The following UFL1 variants were observed in gnomAD, a reference collection of about 807,000 sequenced individuals.
UFL1 encodes the protein E3 UFM1-protein ligase 1.
Under a neutral mutation model 99.3 loss-of-function variants are expected in UFL1, and 78 were observed. The ratio of observed to expected loss-of-function variants is 0.79; its 90% CI spans 0.65 to 0.95. The LOEUF is 0.95. Among genes scored for constraint, UFL1 ranks in the 40% least tolerant of loss-of-function variants. The pLI is 0.00. For synonymous variants in UFL1, 335 were observed against 322.2 expected (o/e 1.04, Z -0.42); for missense variants, 936 against 937.0 (o/e 1.00, Z 0.01).
Position 96,549,559 on chromosome 6 carries a change from A to G in UFL1, c.1668A>G (p.Lys556=). 1 of 1,593,516 alleles carries G rather than the reference A, an allele frequency of 6.3e-7. No individual in the cohort carries two copies. The highest frequency in any genetic ancestry group is 1.8e-5 in the Admixed American group (1 of 54,972). The change falls in exon 14 of 19, where the codon AAA becomes AAG. Residue 556 remains lysine (K), a synonymous_variant. Coordinates refer to ENST00000369278, the MANE Select transcript of UFL1 (RefSeq NM_015323.5). ...NLYNNIRLFE[K]GMKFFADDTQ... ...ACAATAACATTAGGTTATTTGAAAA[A>G]GGGATGAAGTTTTTTGCAGGTATAC...
intron 7 of UFL1, among the ~76,000 whole-genome samples, chr6:96,535,751 G>A (rs934671505): frequency 3.3e-5 from 5 of 151,906 alleles, no homozygotes; most frequent in South Asian, 2.1e-4. Context: ...CGTAAACAGC[G>A]GAAATGGAAT....
Position 96,534,250 on chromosome 6 carries a change from A to G in UFL1, c.597-13A>G. On this transcript the variant is annotated splice_polypyrimidine_tract_variant and intron_variant, in intron 6 of 18. Coordinates refer to ENST00000369278, the MANE Select transcript of UFL1 (RefSeq NM_015323.5). ...TGAGTAAGAAGTTTTTTTTTTTTTA[A>G]CTTTCCATAAAGGCCTACAGCTGTG... is the stretch of plus-strand genomic sequence containing the variant. 1 of 1,508,876 alleles carries G rather than the reference A, an allele frequency of 6.6e-7. No homozygotes were observed. Among genetic ancestry groups the G allele is most frequent in the Non-Finnish European group, 8.8e-7 (1 of 1,135,300 alleles). The allele number at this position is 1,508,876 out of a possible 1,614,324, so 93.5% of individuals were successfully genotyped here.
At chr6:96,550,879 G>C (rs972059920) in intron 15 of UFL1, among the ~76,000 whole-genome samples, 4 of 151,954 alleles carry the variant, frequency 2.6e-5, no homozygotes, top group African/African-American at 4.8e-5. Flanking sequence ...TTCAGGGCCT[G>C]GTGTCAAGCC....
chr6:96,539,195 A>G (rs1423147466), intron 10 of UFL1, among the ~76,000 whole-genome samples: 3 of 151,614 alleles, frequency 2.0e-5, no homozygotes, highest in Non-Finnish European at 4.4e-5. Context: ...CAGAGCCTCA[A>G]TAATTTTTCC....
chr6:96,524,350 A>G (rs571453543), intron 2 of UFL1, 32 bp from the exon 3 acceptor site: 2 of 1,582,776 alleles, frequency 1.3e-6, no homozygotes, highest in East Asian at 2.3e-5. Context: ...CGCATAGATC[A>G]TTTAAAATAA....
At chr6:96,539,743 CTTACTT>C (rs1333220913) in intron 10 of UFL1, among the ~76,000 whole-genome samples, 1 of 151,308 alleles carries the variant, frequency 6.6e-6, no homozygotes, top group Admixed American at 6.6e-5. Context: ...GTAAATGACT[CTTACTT>C]TTATTTGGGA....
chr6:96,538,739 G>A lies in UFL1; in HGVS notation c.1087G>A (p.Val363Ile). ...ASTVVFSDTV[V>I]VSEKFINDCT... is the part of the protein sequence containing the mutation. The stretch of plus-strand genomic sequence containing the variant: ...AACTGTAGTCTTTAGCGACACTGTT[G>A]TAGTCAGTGAAAAATTTATAAATGA... The change falls in exon 10 of 19, where the codon GTA (valine) becomes ATA (isoleucine). Residue 363 changes from valine (V) to isoleucine (I), a missense_variant. Physicochemically the swap from Val to Ile is conservative, Grantham distance 29 (BLOSUM62 3). Transcript: ENST00000369278. The A allele has an allele frequency of 6.2e-7, 1 of 1,611,410 alleles. No individual in the cohort carries two copies. Among genetic ancestry groups the A allele is most frequent in the Non-Finnish European group, 8.5e-7 (1 of 1,178,300 alleles).
intron 7 of UFL1, among the ~76,000 whole-genome samples, 153 bp from the exon 8 acceptor site, chr6:96,536,091 G>A (rs988815273): frequency 4.6e-5 from 7 of 151,898 alleles, no homozygotes; most frequent in Admixed American, 3.9e-4. Context: ...GGAAAATTTT[G>A]TCTAAAATAT....
chr6:96,522,965 C>A, intron 1 of UFL1, 181 bp from the exon 2 acceptor site: 1 of 505,198 alleles, frequency 2.0e-6, no homozygotes, highest in Non-Finnish European at 3.3e-6. Flanking sequence ...TGTAAACCTA[C>A]TTACTCTGAA....
Position 96,526,379 on chromosome 6 carries a change from G to T in UFL1, c.409G>T (p.Val137Phe), listed in dbSNP as rs28372909. 6.7e-4 allele frequency: 1,082 copies of T among 1,613,630 alleles called. 14 individuals are homozygous for T. The East Asian group carries it at 0.021, about 32-fold the overall frequency. The change falls in exon 5 of 19, where the codon GTC becomes TTC. Residue 137 changes from valine to phenylalanine, a missense_variant. Transcript: ENST00000369278. ...VNDKLQESGQ[V>F]TISELCKTYD... ...TGATAAATTGCAAGAAAGTGGTCAG[G>T]TCACCATATCAGAACTGTGTAAAAC...
rs1770122428 is a variant in UFL1, at chr6:96,554,149, G to T, written c.*646G>T. ...GCACAAGAACGCTAGAGTGGCCCATGCATTGCTGTGTTCTCTTCTAAAACA... is the reference window on the plus strand; with the variant it reads ...GCACAAGAACGCTAGAGTGGCCCATTCATTGCTGTGTTCTCTTCTAAAACA... On this transcript the variant is annotated 3_prime_UTR_variant, in exon 19 of 19. Transcript: ENST00000369278. The T allele has an allele frequency of 6.6e-6, 1 of 152,186 alleles. No homozygotes were observed. 9.4% of individuals were successfully genotyped at this position (152,186 alleles called of 1,614,324 possible).
intron 6 of UFL1, among the ~76,000 whole-genome samples, chr6:96,532,456 A>G (rs1293921025): frequency 6.6e-6 from 1 of 152,212 alleles, no homozygotes; most frequent in Non-Finnish European, 1.5e-5. Flanking sequence ...TTGATCACCA[A>G]TGTGGCAGTA....
intron 2 of UFL1, among the ~76,000 whole-genome samples, chr6:96,523,632 G>T (rs1399707260): frequency 6.6e-6 from 1 of 152,156 alleles, no homozygotes; most frequent in African/African-American, 2.4e-5. Context: ...TGTGAAGGGG[G>T]ACAGTATCTT....
chr6:96,544,909 A>C (rs528859837), intron 12 of UFL1, among the ~76,000 whole-genome samples: 14 of 151,082 alleles, frequency 9.3e-5, no homozygotes, highest in Non-Finnish European at 1.6e-4. Context: ...TACCTTTAAA[A>C]ATATAATTTC....
chr6:96,521,852 G>C lies in UFL1; in HGVS notation c.-22G>C, dbSNP rs773390018. The C allele has an allele frequency of 2.5e-6, 4 of 1,607,562 alleles. No homozygotes were observed. The highest frequency in any genetic ancestry group is 2.7e-5 in the African/African-American group (2 of 74,832). ...GCTGACGTGTCTGCAGTTCCTCCGC[G>C]TCTACTGCGAGTCAGGCCGTGATGG... On this transcript the variant is annotated 5_prime_UTR_variant, in exon 1 of 19. Transcript: ENST00000369278.
chr6:96,534,206 T>C, intron 6 of UFL1, 57 bp from the exon 7 acceptor site: 1 of 1,125,040 alleles, frequency 8.9e-7, no homozygotes, highest in African/African-American at 1.6e-5. Flanking sequence ...TTTAAGTTCA[T>C]TAATCTATAA....
At chr6:96,553,102 T>C (rs2127954076) in intron 18 of UFL1, among the ~76,000 whole-genome samples, 183 bp from the exon 19 acceptor site, 1 of 152,196 alleles carries the variant, frequency 6.6e-6, no homozygotes. Flanking sequence ...TGCATTCATG[T>C]TTTATCTCTC....
rs144471333 is a variant in UFL1, at chr6:96,542,050, T to C, written c.1280-844T>C. On this transcript the variant is annotated intron_variant, in intron 11 of 18. Coordinates refer to ENST00000369278, the MANE Select transcript of UFL1 (RefSeq NM_015323.5). The stretch of plus-strand genomic sequence containing the variant: ...CACTTTATTTTATTAAAAAGACTAA[T>C]CTTTTACTTATTTTGAAGTAATATA... Among the ~76,000 whole-genome samples the C allele has an allele frequency of 2.5e-3, 381 of 151,482 alleles. 1 individual carries two copies. The highest frequency in any genetic ancestry group is 9.0e-3 in the African/African-American group (372 of 41,486).
Position 96,526,235 on chromosome 6 carries a change from T to C in UFL1, c.351-86T>C. On this transcript the variant is annotated intron_variant, in intron 4 of 18. Transcript: ENST00000369278. ...TTCATTACTTTTGGGGCATACTTCA[T>C]TTCAACGGAAATTAAACATAAAATG... 3 of 1,150,758 alleles carry C rather than the reference T, an allele frequency of 2.6e-6. No individual in the cohort carries two copies. In the Admixed American group the frequency reaches 6.2e-5, roughly 24 times the overall value. 71.3% of individuals were successfully genotyped at this position (1,150,758 alleles called of 1,614,324 possible).
Sources: allele counts gnomAD v4.1 joint callset (sites outside exome capture counted in the v4.1 genomes callset), GRCh38; gene constraint gnomAD v4.1.1; transcripts MANE v1.5; gene names NCBI Gene and HGNC (gene_info 2026-07-23, HGNC 2026-07-21).